GABRB2: variants seen among roughly 807,000 people sequenced by gnomAD.
GABRB2 encodes gamma-aminobutyric acid receptor subunit beta-2.
GABRB2 carries 16 observed loss-of-function variants against 54.7 expected under a neutral mutation model. The ratio of observed to expected loss-of-function variants is 0.29; its 90% CI spans 0.20 to 0.44. The LOEUF (loss-of-function observed/expected upper bound fraction) is 0.44. Among genes scored for constraint, GABRB2 ranks in the 20% least tolerant of loss-of-function variants. The pLI is 1.00. For missense variants in GABRB2, 355 were observed against 644.0 expected, an observed-to-expected ratio of 0.55 and a Z score of 4.86; for synonymous variants, 244 against 233.8, an observed-to-expected ratio of 1.04 and a Z score of -0.40.
chr5:161,337,408 A>T (rs2113409572), intron 5 of GABRB2, among the ~76,000 whole-genome samples: 1 of 152,286 alleles, frequency 6.6e-6, no homozygotes, highest in East Asian at 1.9e-4. Context: ...TTCCACAGAA[A>T]AACTCAAAAC....
chr5:161,328,926 C>A (rs537281987), intron 8 of GABRB2, among the ~76,000 whole-genome samples: 12 of 152,262 alleles, frequency 7.9e-5, no homozygotes, highest in African/African-American at 2.9e-4. Context: ...TCTCTGGTAT[C>A]TTTTTTGTTC....
intron 4 of GABRB2, among the ~76,000 whole-genome samples, chr5:161,432,550 C>T (rs1037095325): frequency 1.1e-4 from 16 of 152,142 alleles, no homozygotes; most frequent in Non-Finnish European, 1.5e-5. Context: ...TGCACATGCT[C>T]TCCAGAGTCT....
At chr5:161,403,726 A>T (rs1756271786) in intron 5 of GABRB2, among the ~76,000 whole-genome samples, 1 of 152,166 alleles carries the variant, frequency 6.6e-6, no homozygotes, top group Non-Finnish European at 1.5e-5. Context: ...AATAAGAAAG[A>T]GTTCTTAGAA....
intron 8 of GABRB2, chr5:161,329,602 G>C (rs1253677964): frequency 2.0e-5 from 3 of 152,128 alleles, no homozygotes; most frequent in African/African-American, 7.2e-5. Flanking sequence ...ACAACTCAAT[G>C]GCAGAGATTA....
At chr5:161,433,281 G>GT (rs965224382) in intron 4 of GABRB2, among the ~76,000 whole-genome samples, 5 of 151,900 alleles carry the variant, frequency 3.3e-5, no homozygotes, top group Admixed American at 1.3e-4. Context: ...TTTGGCAGTA[G>GT]TTTTTTTGAC....
intron 5 of GABRB2, among the ~76,000 whole-genome samples, chr5:161,340,977 C>G (rs1357003559): frequency 6.6e-6 from 1 of 151,968 alleles, no homozygotes; most frequent in Non-Finnish European, 1.5e-5. Flanking sequence ...TACTGCCTGT[C>G]TTAGAAAATC....
intron 5 of GABRB2, among the ~76,000 whole-genome samples, chr5:161,370,650 C>G (rs1580925271): frequency 6.6e-6 from 1 of 152,282 alleles, no homozygotes; most frequent in Admixed American, 6.5e-5. Flanking sequence ...TGTCTTCCAG[C>G]AAGAGACTGA....
At chr5:161,509,709 C>T (rs1759708189) in intron 3 of GABRB2, among the ~76,000 whole-genome samples, 1 of 151,918 alleles carries the variant, frequency 6.6e-6, no homozygotes. Flanking sequence ...GAGATGCAAA[C>T]TAATCAATCA....
At chr5:161,389,219 C>T (rs1350531724) in intron 5 of GABRB2, among the ~76,000 whole-genome samples, 1 of 151,962 alleles carries the variant, frequency 6.6e-6, no homozygotes, top group African/African-American at 2.4e-5. Context: ...AGGCTTAAAC[C>T]ATTAGAAGCT....
At chr5:161,383,851 A>G (rs1755542726) in intron 5 of GABRB2, among the ~76,000 whole-genome samples, 1 of 152,200 alleles carries the variant, frequency 6.6e-6, no homozygotes, top group African/African-American at 2.4e-5. Context: ...TACAAGCAAA[A>G]ATTGCTTAAA....
At chr5:161,457,281 A>G (rs1489914780) in intron 4 of GABRB2, among the ~76,000 whole-genome samples, 14 of 152,140 alleles carry the variant, frequency 9.2e-5, no homozygotes, top group Non-Finnish European at 2.9e-5. Flanking sequence ...TGGGAATGGG[A>G]GAATGATTAT....
chr5:161,546,362 G>C lies in GABRB2; in HGVS notation c.129C>G (p.Leu43=). Residue 43 remains leucine, a synonymous_variant, in exon 2 of 10, where the codon CTC becomes CTG. Transcript: ENST00000393959. ...MSLVKETVDR[L]LKGYDIRLRP... Reference sequence around the variant, plus strand: ...TCAGACGAATGTCATAGCCTTTCAGGAGTCTATCCACCGTCTCTTTAACCA... The same window carrying C: ...TCAGACGAATGTCATAGCCTTTCAGCAGTCTATCCACCGTCTCTTTAACCA... 6.2e-7 allele frequency: 1 copy of C among 1,614,148 alleles called. No individual in the cohort carries two copies. The highest frequency in any genetic ancestry group is 2.2e-5 in the East Asian group (1 of 44,880).
chr5:161,310,673 GCGCGCACA>G (rs1757836992), intron 9 of GABRB2, among the ~76,000 whole-genome samples: 1 of 120,154 alleles, frequency 8.3e-6, no homozygotes, highest in Non-Finnish European at 1.6e-5. Context: ...GCACGCGCAC[GCGCGCACA>G]CACACACACA....
At chr5:161,510,006 T>A (rs996094180) in intron 3 of GABRB2, among the ~76,000 whole-genome samples, 7 of 152,000 alleles carry the variant, frequency 4.6e-5, no homozygotes, top group African/African-American at 1.7e-4. Context: ...GTGGTATACA[T>A]AGTAGGTGTG....
intron 5 of GABRB2, among the ~76,000 whole-genome samples, chr5:161,383,467 A>G (rs2113487346): frequency 6.6e-6 from 1 of 152,256 alleles, no homozygotes; most frequent in South Asian, 2.1e-4. Context: ...CCCAGCTTGA[A>G]GTATTATCAC....
chr5:161,368,953 C>T (rs1755050963), intron 5 of GABRB2, among the ~76,000 whole-genome samples: 1 of 152,138 alleles, frequency 6.6e-6, no homozygotes, highest in Non-Finnish European at 1.5e-5. Flanking sequence ...ATGTAGGGCC[C>T]TGCATAGCAA....
Position 161,524,241 on chromosome 5 carries a change from C to T in GABRB2, c.237+20986G>A, listed in dbSNP as rs377362237. Among the ~76,000 whole-genome samples, 19 of 151,188 alleles carry T rather than the reference C, an allele frequency of 1.3e-4. No homozygotes were observed. In the East Asian group the frequency reaches 1.7e-3, roughly 14 times the overall value. Reference sequence around the variant, plus strand: ...TCAAAAGTATCCATATGGTATTTGGCCATAAAACTTCATAATTTACTACAA... The same window carrying T: ...TCAAAAGTATCCATATGGTATTTGGTCATAAAACTTCATAATTTACTACAA... On this transcript the variant is annotated intron_variant, in intron 3 of 9. Transcript: ENST00000393959.
chr5:161,439,844 C>A (rs1418455426), intron 4 of GABRB2, among the ~76,000 whole-genome samples: 4 of 151,578 alleles, frequency 2.6e-5, no homozygotes, highest in African/African-American at 9.7e-5. Flanking sequence ...GGAGGGAGGG[C>A]ATAAGGAAGA....
chr5:161,402,308 G>A (rs561094378), intron 5 of GABRB2, among the ~76,000 whole-genome samples: 174 of 152,112 alleles, frequency 1.1e-3, no homozygotes, highest in African/African-American at 3.9e-3. Context: ...AGATATATGT[G>A]ATAATACTCT....
Sources: allele counts gnomAD v4.1 joint callset (sites outside exome capture counted in the v4.1 genomes callset), GRCh38; gene constraint gnomAD v4.1.1; transcripts MANE v1.5; gene names NCBI Gene and HGNC (gene_info 2026-07-23, HGNC 2026-07-21).